The following KIF3B variants were observed in gnomAD, a reference collection of about 807,000 sequenced individuals.
KIF3B encodes kinesin family member 3B, also known as kinesin-like protein KIF3B.
Under a neutral mutation model 74.3 loss-of-function variants are expected in KIF3B, and 38 were observed. That is an observed-to-expected ratio of 0.51 (90% CI 0.39 to 0.67). The LOEUF is 0.67. KIF3B is among the 30% of genes least tolerant of loss of function. KIF3B has a pLI of 0.00. For synonymous variants in KIF3B, 326 were observed against 342.5 expected, an observed-to-expected ratio of 0.95 and a Z score of 0.53; for missense variants, 649 against 932.0, an observed-to-expected ratio of 0.70 and a Z score of 3.95.
At chr20:32,284,192 G>GC (rs372896108) in intron 1 of KIF3B, among the ~76,000 whole-genome samples, 6 of 152,090 alleles carry the variant, frequency 3.9e-5, no homozygotes, top group African/African-American at 1.4e-4. Context: ...TCCTGCCTCA[G>GC]CCTCCCAAAG....
intron 5 of KIF3B, among the ~76,000 whole-genome samples, chr20:32,321,955 T>C (rs2047861993): frequency 6.6e-6 from 1 of 152,196 alleles, no homozygotes; most frequent in Non-Finnish European, 1.5e-5. Flanking sequence ...TTGTGATACT[T>C]ACTTTATTGG....
chr20:32,330,795 C>G (rs2047926166), intron 8 of KIF3B, among the ~76,000 whole-genome samples: 1 of 152,206 alleles, frequency 6.6e-6, no homozygotes, highest in Non-Finnish European at 1.5e-5. Flanking sequence ...GATCCACAAC[C>G]CAGTCTCTGG....
chr20:32,279,467 C>CTTTTTTTTTTTTTTTTT (rs769199761), intron 1 of KIF3B, among the ~76,000 whole-genome samples: 1 of 139,838 alleles, frequency 7.2e-6, no homozygotes. Context: ...TAGTTGGAAT[C>CTTTTTTTTTTTTTTTTT]TTTTTTTTTT....
intron 2 of KIF3B, 83 bp downstream of exon 2, chr20:32,311,264 A>C: frequency 7.2e-7 from 1 of 1,381,878 alleles, no homozygotes. Context: ...ACATAACCAT[A>C]TGAGGGATGA....
intron 1 of KIF3B, among the ~76,000 whole-genome samples, chr20:32,290,243 C>T (rs756081990): frequency 6.6e-6 from 1 of 151,986 alleles, no homozygotes; most frequent in African/African-American, 2.4e-5. Context: ...GTTAGCCGTG[C>T]GTGGTGGCAG....
intron 7 of KIF3B, among the ~76,000 whole-genome samples, chr20:32,328,736 T>C (rs1158567649): frequency 1.3e-5 from 2 of 152,042 alleles, no homozygotes; most frequent in Non-Finnish European, 2.9e-5. Context: ...CACAGATGTG[T>C]AGTGACAGGA....
chr20:32,302,817 A>G (rs1288390989), intron 1 of KIF3B, among the ~76,000 whole-genome samples: 2 of 152,192 alleles, frequency 1.3e-5, no homozygotes, highest in African/African-American at 4.8e-5. Flanking sequence ...CTCATGAGCC[A>G]TTCCCCTGAA....
Position 32,327,583 on chromosome 20 carries a change from C to T in KIF3B, c.1890C>T (p.Val630=). The T allele has an allele frequency of 6.2e-7, 1 of 1,613,510 alleles. No individual in the cohort carries two copies. Among genetic ancestry groups the T allele is most frequent in the Non-Finnish European group, 8.5e-7 (1 of 1,179,716 alleles). Residue 630 remains valine, a synonymous_variant, in exon 7 of 9, where the codon GTC becomes GTT. Coordinates refer to ENST00000375712, the MANE Select transcript of KIF3B (RefSeq NM_004798.4). ...ACCAGCAGATGATGAAGCGGCCAGT[C>T]TCAGCCGTGGGATATAAGAGACCAT... ...LENQQMMKRP[V]SAVGYKRPLS...
At chr20:32,323,818 C>T (rs2047889613) in intron 5 of KIF3B, among the ~76,000 whole-genome samples, 1 of 152,056 alleles carries the variant, frequency 6.6e-6, no homozygotes, top group African/African-American at 2.4e-5. Context: ...GCGGAGGTTG[C>T]AGTGAGCCAA....
intron 1 of KIF3B, among the ~76,000 whole-genome samples, chr20:32,305,570 CTTTTTT>C (rs869049527): frequency 6.9e-5 from 6 of 86,872 alleles, no homozygotes; most frequent in Admixed American, 1.4e-4. Context: ...ACTCCCCCAC[CTTTTTT>C]TTTTTTTTTT....
chr20:32,304,047 C>T (rs1327826983), intron 1 of KIF3B, among the ~76,000 whole-genome samples: 1 of 152,114 alleles, frequency 6.6e-6, no homozygotes, highest in Non-Finnish European at 1.5e-5. Context: ...CTCTTAGTCT[C>T]ATAATCATCC....
At chr20:32,300,919 GC>G in intron 1 of KIF3B, among the ~76,000 whole-genome samples, 1 of 152,168 alleles carries the variant, frequency 6.6e-6, no homozygotes, top group Admixed American at 6.6e-5. Context: ...AGGCTGGAGT[GC>G]AGTGGTGCAA....
At chr20:32,289,177 ATTTG>A (rs2047680100) in intron 1 of KIF3B, among the ~76,000 whole-genome samples, 2 of 142,128 alleles carry the variant, frequency 1.4e-5, no homozygotes, top group African/African-American at 5.1e-5. Context: ...AGAATACTGT[ATTTG>A]TTTGGTACTG....
chr20:32,303,725 G>C (rs1371067055), intron 1 of KIF3B, among the ~76,000 whole-genome samples: 2 of 151,398 alleles, frequency 1.3e-5, no homozygotes, highest in African/African-American at 4.9e-5. Flanking sequence ...TGTGTTGGTG[G>C]GCACCTGTAA....
chr20:32,329,332 C>T (rs375452455), intron 7 of KIF3B, among the ~76,000 whole-genome samples: 217 of 151,456 alleles, frequency 1.4e-3, no homozygotes, highest in African/African-American at 4.9e-3. Flanking sequence ...CGTGAGCCAC[C>T]GCACTGGCCT....
intron 5 of KIF3B, among the ~76,000 whole-genome samples, chr20:32,325,450 G>A (rs1044846095): frequency 2.0e-5 from 3 of 151,598 alleles, no homozygotes; most frequent in South Asian, 4.2e-4. Context: ...TCGGCCTCCC[G>A]AAGCACTGAG....
chr20:32,290,499 C>T (rs190457375), intron 1 of KIF3B, among the ~76,000 whole-genome samples: 3 of 152,272 alleles, frequency 2.0e-5, no homozygotes, highest in Admixed American at 2.0e-4. Flanking sequence ...TGCTATGGCC[C>T]TCTGCCCATA....
At chr20:32,292,584 A>G (rs1363772856) in intron 1 of KIF3B, among the ~76,000 whole-genome samples, 2 of 60,384 alleles carry the variant, frequency 3.3e-5, no homozygotes, top group African/African-American at 3.9e-4. Flanking sequence ...CTAAAAATAG[A>G]AAAAAAAAAA....
intron 1 of KIF3B, among the ~76,000 whole-genome samples, chr20:32,279,501 T>C (rs1168714333): frequency 5.3e-5 from 8 of 151,812 alleles, no homozygotes; most frequent in African/African-American, 1.2e-4. Context: ...GTTTTGCTGT[T>C]GTTGCCCAGG....
Sources: gnomAD v4.1 joint callset for allele counts (sites outside exome capture counted in the v4.1 genomes callset) on GRCh38, gnomAD v4.1.1 for gene constraint, MANE v1.5 for transcripts, NCBI Gene and HGNC (gene_info 2026-07-23, HGNC 2026-07-21) for gene names.